Variants in CENPX observed in about 807,000 individuals in gnomAD.
CENPX encodes the protein centromere protein X.
Under a neutral mutation model 13.2 loss-of-function variants are expected in CENPX, and 13 were observed. The observed-to-expected ratio is 0.98, with a 90% confidence interval of 0.64 to 1.56. The LOEUF is 1.56. CENPX is among the 40% of genes most tolerant of loss of function. CENPX has a pLI of 0.00. For missense variants in CENPX, 138 were observed against 107.5 expected (o/e 1.28, Z -1.26); for synonymous variants, 66 against 47.2 (o/e 1.40, Z -1.63).
Position 82,019,858 on chromosome 17 carries a change from C to G in CENPX, c.88G>C (p.Val30Leu), listed in dbSNP as rs1197783749. 1 of 1,600,644 alleles carries G rather than the reference C, an allele frequency of 6.2e-7. No individual in the cohort carries two copies. The highest frequency in any genetic ancestry group is 2.2e-5 in the East Asian group (1 of 44,616). ...HLHFKDDKTK[V>L]SGDALQLMVE... ...CTCCCGCCCGCACCCCCACCCGCAC[C>G]TTTGGTCTTGTCATCCTTGAAGTGC... Residue 30 changes from valine (V) to leucine (L), a missense_variant and splice_region_variant, in exon 2 of 5, where the codon GTG becomes CTG. Coordinates refer to ENST00000392359, the MANE Select transcript of CENPX (RefSeq NM_001271006.2).
intron 1 of CENPX, among the ~76,000 whole-genome samples, chr17:82,020,759 A>G (rs894457189): frequency 4.6e-5 from 7 of 152,134 alleles, no homozygotes; most frequent in Non-Finnish European, 7.4e-5. Flanking sequence ...CAAGACCCCA[A>G]AAGGACGGCA....
In CENPX at chr17:82,019,328, C is replaced by CCA; in HGVS notation, c.194_195dup (p.Asp66TrpfsTer24). 3 of 1,585,238 alleles carry CCA rather than the reference C, an allele frequency of 1.9e-6. No homozygotes were observed. Among genetic ancestry groups the CCA allele is most frequent in the Non-Finnish European group, 2.6e-6 (3 of 1,167,746 alleles). ...AGCACCTTCTCCAGCTGGTCCACGTCCACACGGAGCGCGTCTTCTGCCTGG... is the reference window on the plus strand; with the variant it reads ...AGCACCTTCTCCAGCTGGTCCACGTCCACACACGGAGCGCGTCTTCTGCCTGG... On this transcript the variant is annotated frameshift_variant, in exon 4 of 5. Transcript: ENST00000392359. LOFTEE classifies it high-confidence loss of function.
rs535700537 is a variant in CENPX, at chr17:82,019,194, G to A, written c.*11C>T. On this transcript the variant is annotated 3_prime_UTR_variant, in exon 5 of 5. Coordinates refer to ENST00000392359, the MANE Select transcript of CENPX (RefSeq NM_001271006.2). ...CTCCTCTGGGGGTGGCCTCAGCCACGGCTGAGATCCCTAGAAGTCCAGGAG... is the reference window on the plus strand; with the variant it reads ...CTCCTCTGGGGGTGGCCTCAGCCACAGCTGAGATCCCTAGAAGTCCAGGAG... The A allele has an allele frequency of 2.2e-5, 35 of 1,561,034 alleles. No individual in the cohort carries two copies. Among genetic ancestry groups the A allele is most frequent in the African/African-American group, 4.1e-5 (3 of 73,590 alleles).
In CENPX at chr17:82,022,741, G is replaced by T. The variant is rs2043312004; in HGVS notation, c.36+85C>A. 10 of 1,460,834 alleles carry T rather than the reference G, an allele frequency of 6.8e-6. No homozygotes were observed. In the South Asian group the frequency reaches 9.7e-5, roughly 14 times the overall value. The allele number at this position is 1,460,834 out of a possible 1,614,324, so 90.5% of individuals were successfully genotyped here. ...TCAAAGGCACAGGGGGCGGCGCGGG[G>T]GCTGGCGTCTGGCCCTCACAGTGTC... On this transcript the variant is annotated intron_variant, in intron 1 of 4. Coordinates refer to ENST00000392359, the MANE Select transcript of CENPX (RefSeq NM_001271006.2).
Position 82,019,013 on chromosome 17 carries a change from A to G in CENPX, c.*192T>C. ...TCCCACACCAGTGTCCCCACTGGACACTCCAAGGCCCGCAGTGCACTGCAG... is the reference window on the plus strand; with the variant it reads ...TCCCACACCAGTGTCCCCACTGGACGCTCCAAGGCCCGCAGTGCACTGCAG... On this transcript the variant is annotated 3_prime_UTR_variant, in exon 5 of 5. Transcript: ENST00000392359. 1.3e-6 allele frequency: 1 copy of G among 749,344 alleles called. No individual in the cohort carries two copies. The highest frequency in any genetic ancestry group is 2.0e-6 in the Non-Finnish European group (1 of 508,424). The allele number at this position is 749,344 out of a possible 1,614,324, so 46.4% of individuals were successfully genotyped here.
At position 82,018,999 on chromosome 17, in the gene CENPX, TG is replaced by T; in HGVS notation, c.*205del. 2 of 608,546 alleles carry T rather than the reference TG, an allele frequency of 3.3e-6. No homozygotes were observed. Among genetic ancestry groups the T allele is most frequent in the Admixed American group, 3.8e-5 (1 of 26,552 alleles). 37.7% of individuals were successfully genotyped at this position (608,546 alleles called of 1,614,324 possible). A position where few individuals can be genotyped will look rare whatever the true frequency, so the allele number is the denominator to read the frequency against. On this transcript the variant is annotated 3_prime_UTR_variant, in exon 5 of 5. Transcript: ENST00000392359. Reference sequence around the variant, plus strand: ...CAGGTGCTGCCCCTTCCCACACCAGTGTCCCCACTGGACACTCCAAGGCCCG... The same window carrying T: ...CAGGTGCTGCCCCTTCCCACACCAGTTCCCCACTGGACACTCCAAGGCCCG...
intron 1 of CENPX, among the ~76,000 whole-genome samples, chr17:82,020,498 C>T (rs944371311): frequency 1.8e-4 from 27 of 152,206 alleles, no homozygotes; most frequent in Non-Finnish European, 5.9e-5. Context: ...AGCGGGGCTG[C>T]GCCAGCGTGG....
At chr17:82,019,794 T>G (rs548122931) in intron 2 of CENPX, 64 bp downstream of exon 2, 2 of 1,574,018 alleles carry the variant, frequency 1.3e-6, no homozygotes, top group Admixed American at 3.6e-5. Flanking sequence ...CCTGCAGAGT[T>G]GCAGGAAAGG....
At position 82,019,617 on chromosome 17, in the gene CENPX, AGGGAGCGTGGGCCCTG is replaced by A; in HGVS notation, c.142+8_142+23del. The A allele has an allele frequency of 1.3e-6, 2 of 1,550,194 alleles. No homozygotes were observed. Among genetic ancestry groups the A allele is most frequent in the Non-Finnish European group, 1.7e-6 (2 of 1,146,914 alleles). ...GCAAAATTCCGGATGCTGTGCCCGG[AGGGAGCGTGGGCCCTG>A]GGCTCACCCACAACGAAGACCTTCA... On this transcript the variant is annotated splice_region_variant and intron_variant, in intron 3 of 4. Coordinates refer to ENST00000392359, the MANE Select transcript of CENPX (RefSeq NM_001271006.2).
intron 3 of CENPX, 58 bp downstream of exon 3, chr17:82,019,583 T>C: frequency 6.5e-7 from 1 of 1,549,714 alleles, no homozygotes; most frequent in African/African-American, 1.4e-5. Context: ...GTTTTCCCGC[T>C]GGAAAAACGC....
rs1014658185 is a variant in CENPX, at chr17:82,022,792, C to G, written c.36+34G>C. The G allele has an allele frequency of 1.9e-6, 3 of 1,559,402 alleles. No homozygotes were observed. The African/African-American group carries it at 4.1e-5, about 21-fold the overall frequency. On this transcript the variant is annotated intron_variant, in intron 1 of 4. Coordinates refer to ENST00000392359, the MANE Select transcript of CENPX (RefSeq NM_001271006.2). ...ACGCGTGAGGTCGGGACGGAGCGTC[C>G]GCGCCTGCCTAGCCCCTGCCCTCCG...
chr17:82,022,676 G>A, intron 1 of CENPX, 150 bp downstream of exon 1: 1 of 924,018 alleles, frequency 1.1e-6, no homozygotes, highest in African/African-American at 1.7e-5. Context: ...CGCGGGGCGC[G>A]CGGCCCGGCC....
chr17:82,021,460 G>T (rs1422763620), intron 1 of CENPX, among the ~76,000 whole-genome samples: 1 of 152,266 alleles, frequency 6.6e-6, no homozygotes, highest in Non-Finnish European at 1.5e-5. Flanking sequence ...GAGAGTGGCG[G>T]ATGCCAGGTC....
At chr17:82,021,337 T>G (rs1306619515) in intron 1 of CENPX, among the ~76,000 whole-genome samples, 1 of 152,198 alleles carries the variant, frequency 6.6e-6, no homozygotes, top group Non-Finnish European at 1.5e-5. Context: ...TCCAGCTGCT[T>G]ACTGCCAGCA....
chr17:82,020,904 G>A (rs765277988), intron 1 of CENPX, among the ~76,000 whole-genome samples: 2 of 152,206 alleles, frequency 1.3e-5, no homozygotes, highest in Non-Finnish European at 2.9e-5. Context: ...AGACTCAGGA[G>A]GGCAGCCCTG....
rs1353359908 is a variant in CENPX at position 82,018,869 on chromosome 17, T to G, written c.*336A>C. 2.2e-5 allele frequency: 8 copies of G among 364,712 alleles called. No individual in the cohort carries two copies. Among genetic ancestry groups the G allele is most frequent in the Non-Finnish European group, 3.9e-5 (8 of 204,256 alleles). The allele number at this position is 364,712 out of a possible 1,614,324, so 22.6% of individuals were successfully genotyped here. ...AGGCAGCGCTGCCAGCTGCTGTTTGTCAAACACACAGGCTACCTGCTGGCC... is the reference window on the plus strand; with the variant it reads ...AGGCAGCGCTGCCAGCTGCTGTTTGGCAAACACACAGGCTACCTGCTGGCC... On this transcript the variant is annotated 3_prime_UTR_variant, in exon 5 of 5. Transcript: ENST00000392359.
chr17:82,018,778 G>T lies in CENPX; in HGVS notation c.*427C>A. On this transcript the variant is annotated 3_prime_UTR_variant, in exon 5 of 5. Transcript: ENST00000392359. The stretch of plus-strand genomic sequence containing the variant: ...TAGCCTGGGGAAGCATCTTCCAAGG[G>T]GAATATCGCATGGCTGGAAAGGTCA... 3.6e-6 allele frequency: 1 copy of T among 277,452 alleles called. No individual in the cohort carries two copies. Among genetic ancestry groups the T allele is most frequent in the Non-Finnish European group, 6.7e-6 (1 of 148,524 alleles). 17.2% of individuals were successfully genotyped at this position (277,452 alleles called of 1,614,324 possible). A position where few individuals can be genotyped will look rare whatever the true frequency, so the allele number is the denominator to read the frequency against.
At chr17:82,019,965 GGGT>G in intron 1 of CENPX, 56 bp from the exon 2 acceptor site, 2 of 1,297,888 alleles carry the variant, frequency 1.5e-6, no homozygotes, top group East Asian at 8.1e-5. Context: ...GCACCCCCCA[GGGT>G]GGTGACCATT....
Position 82,019,711 on chromosome 17 carries a change from G to C in CENPX, c.89-17C>G. 6.5e-7 allele frequency: 1 copy of C among 1,550,310 alleles called. No homozygotes were observed. The highest frequency in any genetic ancestry group is 8.7e-7 in the Non-Finnish European group (1 of 1,146,954). On this transcript the variant is annotated splice_polypyrimidine_tract_variant and intron_variant, in intron 2 of 4. Transcript: ENST00000392359. ...CCCCGCTCACTGCAAGGCAGGGGGA[G>C]GTTATGCGGGACCCTCACCCACCGC...
Sources: allele counts gnomAD v4.1 joint callset (sites outside exome capture counted in the v4.1 genomes callset), GRCh38; gene constraint gnomAD v4.1.1; transcripts MANE v1.5; gene names NCBI Gene and HGNC (gene_info 2026-07-23, HGNC 2026-07-21).